Variants in KIF21A observed in about 807,000 individuals in gnomAD.
KIF21A encodes the protein kinesin-like protein KIF21A.
KIF21A carries 114 observed loss-of-function variants against 202.9 expected under a neutral mutation model. The ratio of observed to expected loss-of-function variants is 0.56; its 90% CI spans 0.48 to 0.66. KIF21A has a LOEUF of 0.66. KIF21A is among the 30% of genes least tolerant of loss of function. The pLI is 0.00. For missense variants in KIF21A, 1,677 were observed against 1,994.9 expected, an observed-to-expected ratio of 0.84 and a Z score of 3.04; for synonymous variants, 667 against 670.8, an observed-to-expected ratio of 0.99 and a Z score of 0.09.
At position 39,337,071 on chromosome 12, in the gene KIF21A, T is replaced by A. The variant is rs368147683; in HGVS notation, c.2418+25A>T. On this transcript the variant is annotated intron_variant, in intron 17 of 37. Transcript: ENST00000361418. The stretch of plus-strand genomic sequence containing the variant: ...TTTTTCAACGTACAATTTTCTTATA[T>A]AACTGAGAGTTAAAATCCACTTACA... 12 of 1,449,250 alleles carry A rather than the reference T, an allele frequency of 8.3e-6. No homozygotes were observed. In the African/African-American group the frequency reaches 1.7e-4, roughly 20 times the overall value. The allele number at this position is 1,449,250 out of a possible 1,614,324, so 89.8% of individuals were successfully genotyped here.
At chr12:39,313,066 T>C (rs1944187060) in intron 31 of KIF21A, among the ~76,000 whole-genome samples, 2 of 151,944 alleles carry the variant, frequency 1.3e-5, no homozygotes, top group Non-Finnish European at 2.9e-5. Flanking sequence ...TTAAGAAACG[T>C]GAGCCCCAGA....
intron 1 of KIF21A, among the ~76,000 whole-genome samples, chr12:39,378,610 T>A (rs924231660): frequency 1.3e-5 from 2 of 152,182 alleles, no homozygotes; most frequent in African/African-American, 4.8e-5. Flanking sequence ...TGCTGGTGGC[T>A]GTATGTGGTG....
intron 1 of KIF21A, among the ~76,000 whole-genome samples, chr12:39,379,963 CTTT>C (rs1384946554): frequency 6.6e-6 from 1 of 152,036 alleles, no homozygotes; most frequent in Non-Finnish European, 1.5e-5. Context: ...GGTAACAACA[CTTT>C]TTGTTTTTTT....
chr12:39,409,136 A>T (rs1270490534), intron 1 of KIF21A, among the ~76,000 whole-genome samples: 1 of 151,888 alleles, frequency 6.6e-6, no homozygotes, highest in Non-Finnish European at 1.5e-5. Context: ...ACACCCAGCC[A>T]AAAAGCAGTA....
At chr12:39,369,707 A>T in intron 3 of KIF21A, 22 bp downstream of exon 3, 1 of 1,595,758 alleles carries the variant, frequency 6.3e-7, no homozygotes, top group Non-Finnish European at 8.6e-7. Context: ...AAAAGAAATT[A>T]ATGCCAAAAT....
chr12:39,441,727 T>TATAC (rs767927716), intron 1 of KIF21A, among the ~76,000 whole-genome samples: 3 of 134,554 alleles, frequency 2.2e-5, no homozygotes, highest in Non-Finnish European at 4.7e-5. Context: ...AGATACAAAG[T>TATAC]ATACGAAACA....
intron 1 of KIF21A, among the ~76,000 whole-genome samples, chr12:39,375,534 A>G (rs1252970574): frequency 6.6e-6 from 1 of 152,142 alleles, no homozygotes; most frequent in African/African-American, 2.4e-5. Flanking sequence ...TGGTTAATCC[A>G]TAAGCTCAAT....
chr12:39,413,477 G>A, intron 1 of KIF21A, among the ~76,000 whole-genome samples: 1 of 152,228 alleles, frequency 6.6e-6, no homozygotes, highest in East Asian at 1.9e-4. Context: ...GTGTCAGATA[G>A]ATGCCTACTG....
At chr12:39,341,440 T>A in intron 14 of KIF21A, 65 bp downstream of exon 14, 1 of 1,486,600 alleles carries the variant, frequency 6.7e-7, no homozygotes, top group Non-Finnish European at 9.3e-7. Context: ...ATGTTAAGAG[T>A]TTTCTGTCAT....
At position 39,373,214 on chromosome 12, in the gene KIF21A, G is replaced by A. The variant is rs184639919; in HGVS notation, c.45-2953C>T. ...GCCATGCTACATCTTTGCATTAAAG[G>A]ATTTTCACTAGTAGCCGTGGTGATG... On this transcript the variant is annotated intron_variant, in intron 1 of 37. Transcript: ENST00000361418. Among the ~76,000 whole-genome samples the A allele has an allele frequency of 1.2e-3, 185 of 152,238 alleles. 1 individual carries two copies. The highest frequency in any genetic ancestry group is 3.6e-3 in the African/African-American group (151 of 41,538).
At chr12:39,369,980 G>T in intron 2 of KIF21A, 59 bp downstream of exon 2, 1 of 1,583,758 alleles carries the variant, frequency 6.3e-7, no homozygotes, top group Non-Finnish European at 8.7e-7. Flanking sequence ...AAATGAAAGC[G>T]CAACTGAATT....
chr12:39,368,412 A>G (rs1949741837), intron 3 of KIF21A, among the ~76,000 whole-genome samples: 1 of 152,180 alleles, frequency 6.6e-6, no homozygotes, highest in South Asian at 2.1e-4. Flanking sequence ...TGAGCTAAAA[A>G]CATATTTCCT....
In KIF21A at chr12:39,369,762, A is replaced by G; in HGVS notation, c.417T>C (p.Ala139=). 1 of 1,612,916 alleles carries G rather than the reference A, an allele frequency of 6.2e-7. No individual in the cohort carries two copies. Among genetic ancestry groups the G allele is most frequent in the East Asian group, 2.2e-5 (1 of 44,786 alleles). ...ATTGGGCATTCACTTTAAAATCTGG[A>G]GCAGGAAGCCCATTTTTAATTGCTA... ...KHIAIKNGLP[A]PDFKVNAQFL... is the part of the protein sequence containing the mutation. Residue 139 remains alanine, a synonymous_variant, in exon 3 of 38, where the codon GCT becomes GCC. Transcript: ENST00000361418.
At chr12:39,304,771 A>G (rs756744884) in intron 35 of KIF21A, 50 bp downstream of exon 35, 9 of 998,068 alleles carry the variant, frequency 9.0e-6, no homozygotes, top group Admixed American at 1.7e-5. Flanking sequence ...GAATACTTCA[A>G]AATTATCATT....
At chr12:39,394,711 T>C (rs1342907163) in intron 1 of KIF21A, among the ~76,000 whole-genome samples, 1 of 152,218 alleles carries the variant, frequency 6.6e-6, no homozygotes, top group Non-Finnish European at 1.5e-5. Context: ...CAGGTGATTA[T>C]GTAATATTGG....
chr12:39,297,621 G>T (rs888963857), intron 37 of KIF21A, among the ~76,000 whole-genome samples: 9 of 150,156 alleles, frequency 6.0e-5, no homozygotes, highest in Non-Finnish European at 1.2e-4. Context: ...AGCATTGGGA[G>T]ATATACCTAA....
At chr12:39,305,964 G>C (rs1943434220) in intron 34 of KIF21A, among the ~76,000 whole-genome samples, 1 of 152,110 alleles carries the variant, frequency 6.6e-6, no homozygotes, top group South Asian at 2.1e-4. Flanking sequence ...ACACATATCT[G>C]TGTGGATGTG....
At position 39,330,758 on chromosome 12, in the gene KIF21A, G is replaced by A; in HGVS notation, c.3307C>T (p.His1103Tyr). 6.2e-7 allele frequency: 1 copy of A among 1,613,890 alleles called. No individual in the cohort carries two copies. Residue 1103 changes from histidine (H) to tyrosine (Y), a missense_variant, in exon 23 of 38, where the codon CAT (histidine) becomes TAT (tyrosine). His to Tyr is a moderately conservative substitution (Grantham distance 83). Coordinates refer to ENST00000361418, the MANE Select transcript of KIF21A (RefSeq NM_001173464.2). Reference protein sequence around the residue: ...LNPELDALLGHALQDLDSVPL... With the variant: ...LNPELDALLGYALQDLDSVPL... Reference sequence around the variant, plus strand: ...GAGAGCAAATTACCTTGTAAAGCATGGCCTAGTAAAGCATCTAGCTCAGGA... The same window carrying A: ...GAGAGCAAATTACCTTGTAAAGCATAGCCTAGTAAAGCATCTAGCTCAGGA...
At chr12:39,305,654 T>C (rs1237135909) in intron 34 of KIF21A, among the ~76,000 whole-genome samples, 1 of 152,152 alleles carries the variant, frequency 6.6e-6, no homozygotes, top group Non-Finnish European at 1.5e-5. Context: ...AGCTGACTAA[T>C]GTCATTTAGG....
Sources: gnomAD v4.1 joint callset for allele counts (sites outside exome capture counted in the v4.1 genomes callset) on GRCh38, gnomAD v4.1.1 for gene constraint, MANE v1.5 for transcripts, NCBI Gene and HGNC (gene_info 2026-07-23, HGNC 2026-07-21) for gene names.